Variants in SGCD observed in about 807,000 individuals in gnomAD.
SGCD encodes sarcoglycan delta, also known as delta-sarcoglycan.
Under a neutral mutation model 36.6 loss-of-function variants are expected in SGCD, and 18 were observed. That is an observed-to-expected ratio of 0.49 (90% confidence interval 0.34 to 0.73). SGCD has a LOEUF of 0.73. SGCD is among the 30% of genes least tolerant of loss of function. The pLI, the probability that SGCD is intolerant of heterozygous loss-of-function variation, is 0.01. For missense variants in SGCD, 387 were observed against 346.7 expected (o/e 1.12, Z -0.92); for synonymous variants, 133 against 130.6 (o/e 1.02, Z -0.12).
intron 3 of SGCD, among the ~76,000 whole-genome samples, chr5:156,215,581 G>A (rs927443984): frequency 6.6e-6 from 1 of 152,088 alleles, no homozygotes; most frequent in Non-Finnish European, 1.5e-5. Context: ...ATGAAAAAAT[G>A]CTCAACCTCA....
chr5:155,787,662 T>C, the SGCD span, among the ~76,000 whole-genome samples: 1 of 152,188 alleles, frequency 6.6e-6, no homozygotes, highest in Non-Finnish European at 1.5e-5. Flanking sequence ...TCCTGTCTGT[T>C]GTAACGGATG....
chr5:156,056,763 T>A (rs1008196849), intron 1 of SGCD, among the ~76,000 whole-genome samples: 1 of 145,382 alleles, frequency 6.9e-6, no homozygotes, highest in Non-Finnish European at 1.5e-5. Flanking sequence ...CTATTGCAAT[T>A]CTCCTGTCTT....
At chr5:156,326,026 T>A (rs1767801518), upstream of SGCD, among the ~76,000 whole-genome samples, 3 of 152,192 alleles carry the variant, frequency 2.0e-5, no homozygotes, top group Non-Finnish European at 4.4e-5. Context: ...CAATGGGGTG[T>A]GATTTTTGGA....
chr5:155,802,329 G>T, the SGCD span, among the ~76,000 whole-genome samples: 1 of 152,132 alleles, frequency 6.6e-6, no homozygotes, highest in Non-Finnish European at 1.5e-5. Flanking sequence ...ATGGTTTTTT[G>T]GTTCCTGGCT....
chr5:155,750,026 A>G, the SGCD span, among the ~76,000 whole-genome samples: 4 of 152,200 alleles, frequency 2.6e-5, no homozygotes, highest in African/African-American at 9.6e-5. Context: ...TGTTTGTCTG[A>G]GAAAAGTAAT....
intron 1 of SGCD, among the ~76,000 whole-genome samples, chr5:155,891,471 A>C (rs2113316937): frequency 6.7e-6 from 1 of 150,216 alleles, no homozygotes; most frequent in Middle Eastern, 3.4e-3. Flanking sequence ...CATCTAATTA[A>C]CTCCTGCTTT....
At chr5:155,891,973 T>G (rs978421366) in intron 1 of SGCD, among the ~76,000 whole-genome samples, 2 of 152,188 alleles carry the variant, frequency 1.3e-5, no homozygotes, top group African/African-American at 4.8e-5. Context: ...ATTTCATTAT[T>G]CCTCCTGCAG....
intron 3 of SGCD, among the ~76,000 whole-genome samples, chr5:156,152,646 A>T (rs955998488): frequency 1.3e-5 from 2 of 151,704 alleles, no homozygotes; most frequent in Non-Finnish European, 2.9e-5. Flanking sequence ...TACCTGTTGA[A>T]ATGGTAGTAT....
At chr5:156,021,194 A>T (rs1393869407) in intron 1 of SGCD, among the ~76,000 whole-genome samples, 1 of 152,240 alleles carries the variant, frequency 6.6e-6, no homozygotes, top group Non-Finnish European at 1.5e-5. Flanking sequence ...TGATAGAGAA[A>T]AAAACAGGGA....
At chr5:155,878,939 C>T (rs148385488) in intron 1 of SGCD, among the ~76,000 whole-genome samples, 3 of 152,006 alleles carry the variant, frequency 2.0e-5, no homozygotes, top group Admixed American at 1.3e-4. Flanking sequence ...TGTTTGTTAG[C>T]GTCTGCTAAC....
At chr5:156,118,332 A>G (rs370478518) in intron 2 of SGCD, among the ~76,000 whole-genome samples, 1 of 151,936 alleles carries the variant, frequency 6.6e-6, no homozygotes, top group Non-Finnish European at 1.5e-5. Context: ...AATCATACAT[A>G]CTCTTACTGT....
chr5:156,535,972 T>A (rs1294684759), intron 4 of SGCD, among the ~76,000 whole-genome samples: 1 of 152,154 alleles, frequency 6.6e-6, no homozygotes, highest in Non-Finnish European at 1.5e-5. Flanking sequence ...GACGGATAAT[T>A]TTTTTAAAGA....
intron 1 of SGCD, among the ~76,000 whole-genome samples, chr5:155,969,147 G>A (rs908805213): frequency 3.9e-5 from 6 of 152,106 alleles, no homozygotes; most frequent in African/African-American, 1.4e-4. Flanking sequence ...CCTTATGCCT[G>A]TATGTGTTAG....
intron 3 of SGCD, among the ~76,000 whole-genome samples, chr5:156,141,898 G>A (rs1762590822): frequency 6.6e-6 from 1 of 152,118 alleles, no homozygotes; most frequent in Non-Finnish European, 1.5e-5. Context: ...CAATACTAGA[G>A]GCAGCAAGCA....
At chr5:156,645,084 G>T (rs778784477) in intron 6 of SGCD, among the ~76,000 whole-genome samples, 6 of 152,096 alleles carry the variant, frequency 3.9e-5, no homozygotes, top group Non-Finnish European at 5.9e-5. Context: ...ATTGGGCAGA[G>T]AACCAGCTAA....
chr5:156,180,071 C>G (rs1015612230), intron 3 of SGCD, among the ~76,000 whole-genome samples: 34 of 152,176 alleles, frequency 2.2e-4, no homozygotes, highest in African/African-American at 8.0e-4. Context: ...TTTGAGGCAA[C>G]TTCCTTGCCA....
intron 3 of SGCD, among the ~76,000 whole-genome samples, chr5:156,412,941 G>A (rs184835325): frequency 1.3e-3 from 197 of 151,666 alleles, no homozygotes; most frequent in African/African-American, 3.8e-3. Flanking sequence ...GACTACAGGC[G>A]CCCGCCACCG....
intron 4 of SGCD, among the ~76,000 whole-genome samples, chr5:156,581,015 C>T (rs1012362561): frequency 3.3e-5 from 5 of 152,078 alleles, no homozygotes; most frequent in South Asian, 2.1e-4. Context: ...TTTTCTCCTC[C>T]GGTTTCTCCT....
At chr5:155,890,450 C>G (rs561979089) in intron 1 of SGCD, among the ~76,000 whole-genome samples, 7 of 151,924 alleles carry the variant, frequency 4.6e-5, no homozygotes, top group African/African-American at 1.2e-4. Context: ...CATGGTGGAA[C>G]CTTACCTCTA....
Sources: gnomAD v4.1 joint callset for allele counts (sites outside exome capture counted in the v4.1 genomes callset) on GRCh38, gnomAD v4.1.1 for gene constraint, MANE v1.5 for transcripts, NCBI Gene and HGNC (gene_info 2026-07-23, HGNC 2026-07-21) for gene names.